The following NUP35 variants were observed in gnomAD, a reference collection of about 807,000 sequenced individuals.
NUP35 encodes nucleoporin NUP35.
A neutral mutation model predicts 41.5 loss-of-function variants in NUP35; 25 were observed. That is an observed-to-expected ratio of 0.60 (90% CI 0.44 to 0.84). NUP35 has a LOEUF of 0.84. Among genes scored for constraint, NUP35 ranks in the 40% least tolerant of loss-of-function variants. The pLI is 0.00. For missense variants in NUP35, 396 were observed against 396.6 expected (o/e 1.00, Z 0.01); for synonymous variants, 149 against 130.7 (o/e 1.14, Z -0.96).
intron 3 of NUP35, 134 bp downstream of exon 3, chr2:183,130,679 A>G: frequency 1.0e-6 from 1 of 967,146 alleles, no homozygotes; most frequent in Admixed American, 2.3e-5. Context: ...ATAAACATTA[A>G]ACACATCATA....
At chr2:183,150,151 C>T (rs536822893) in intron 4 of NUP35, among the ~76,000 whole-genome samples, 21 of 152,292 alleles carry the variant, frequency 1.4e-4, no homozygotes, top group African/African-American at 2.2e-4. Flanking sequence ...ATGATCCGCT[C>T]GCCTTGGCCT....
chr2:183,149,885 C>T (rs1237593465), intron 4 of NUP35, among the ~76,000 whole-genome samples: 1 of 152,090 alleles, frequency 6.6e-6, no homozygotes, highest in Non-Finnish European at 1.5e-5. Flanking sequence ...GTAATAATCA[C>T]TTAATAAAAT....
Position 183,138,953 on chromosome 2 carries a change from A to G in NUP35, c.397+5330A>G, listed in dbSNP as rs1021570402. On this transcript the variant is annotated intron_variant, in intron 4 of 8. Coordinates refer to ENST00000295119, the MANE Select transcript of NUP35 (RefSeq NM_138285.5). ...TTCTGGTTTGGGTTAGGTACTCCTT[A>G]CATGTGTTCCTTTTAAAGCTCTCTG... Among the ~76,000 whole-genome samples the G allele has an allele frequency of 6.6e-5, 10 of 151,604 alleles. No homozygotes were observed. The East Asian group carries it at 1.9e-3, about 29-fold the overall frequency.
intron 5 of NUP35, among the ~76,000 whole-genome samples, chr2:183,152,110 A>ACACACACACACAC (rs1685486990): frequency 8.8e-6 from 1 of 113,394 alleles, no homozygotes; most frequent in South Asian, 3.1e-4. Flanking sequence ...AACATTTACA[A>ACACACACACACAC]ACACACACAC....
chr2:183,149,697 AACATGTTAACTAGATT>A (rs1168875480), intron 4 of NUP35, among the ~76,000 whole-genome samples: 2 of 152,168 alleles, frequency 1.3e-5, no homozygotes, highest in Non-Finnish European at 2.9e-5. Context: ...ACAGGAAATA[AACATGTTAACTAGATT>A]ACTGCCTCAG....
intron 1 of NUP35, 135 bp downstream of exon 1, chr2:183,124,632 C>T (rs1700123425): frequency 2.6e-6 from 3 of 1,160,424 alleles, no homozygotes; most frequent in Admixed American, 1.9e-5. Flanking sequence ...TGGGTGCCCC[C>T]AAGTTCATAG....
intron 1 of NUP35, among the ~76,000 whole-genome samples, chr2:183,125,284 T>A (rs1684420433): frequency 6.6e-6 from 1 of 151,922 alleles, no homozygotes; most frequent in Non-Finnish European, 1.5e-5. Context: ...TTTCTTTTTT[T>A]CCTGCTGAGT....
At chr2:183,150,498 T>C (rs1173551419) in intron 4 of NUP35, among the ~76,000 whole-genome samples, 2 of 152,166 alleles carry the variant, frequency 1.3e-5, no homozygotes, top group Non-Finnish European at 2.9e-5. Flanking sequence ...TCTTCAAATA[T>C]TGTTTTGCTT....
chr2:183,118,383 G>A (rs1700017849), intron 1 of NUP35: 1 of 152,132 alleles, frequency 6.6e-6, no homozygotes, highest in Admixed American at 6.5e-5. Flanking sequence ...TCCACATTTT[G>A]AAGATCTCAT....
upstream of NUP35, among the ~76,000 whole-genome samples, chr2:183,123,601 A>G (rs1427533942): frequency 6.6e-6 from 1 of 152,234 alleles, no homozygotes; most frequent in African/African-American, 2.4e-5. Flanking sequence ...TCCTCATGGT[A>G]TGGAGCAGAG....
In NUP35 at chr2:183,133,633, T is replaced by A; in HGVS notation, c.397+10T>A. The A allele has an allele frequency of 6.5e-7, 1 of 1,529,996 alleles. No homozygotes were observed. 94.8% of individuals were successfully genotyped at this position (1,529,996 alleles called of 1,614,324 possible). On this transcript the variant is annotated intron_variant, in intron 4 of 8. Coordinates refer to ENST00000295119, the MANE Select transcript of NUP35 (RefSeq NM_138285.5). ...TCTACTCCTGGAACAGGTAAGTGATTCTTTCTTTTTTTTTTTTTTTTTAAA... is the reference window on the plus strand; with the variant it reads ...TCTACTCCTGGAACAGGTAAGTGATACTTTCTTTTTTTTTTTTTTTTTAAA...
intron 5 of NUP35, among the ~76,000 whole-genome samples, chr2:183,152,358 A>C (rs1685501684): frequency 6.6e-6 from 1 of 152,014 alleles, no homozygotes; most frequent in South Asian, 2.1e-4. Flanking sequence ...TCTTTACATG[A>C]TTCGTGAGAC....
At chr2:183,160,312 C>A (rs1408608981) in intron 8 of NUP35, 1 of 152,168 alleles carries the variant, frequency 6.6e-6, no homozygotes, top group East Asian at 1.9e-4. Context: ...GGAGATTATT[C>A]TAGAACTGTT....
At chr2:183,150,547 G>T (rs775743902) in intron 4 of NUP35, among the ~76,000 whole-genome samples, 15 of 152,204 alleles carry the variant, frequency 9.9e-5, no homozygotes, top group Middle Eastern at 3.4e-3. Context: ...GCACCTCAGT[G>T]AAATCCTTTT....
At chr2:183,149,174 A>G (rs1057344703) in intron 4 of NUP35, among the ~76,000 whole-genome samples, 1 of 152,220 alleles carries the variant, frequency 6.6e-6, no homozygotes, top group Non-Finnish European at 1.5e-5. Flanking sequence ...ACTCATGCGC[A>G]TTGACCTGTA....
chr2:183,121,055 A>G (rs1700060233), upstream of NUP35, among the ~76,000 whole-genome samples: 1 of 152,238 alleles, frequency 6.6e-6, no homozygotes, highest in African/African-American at 2.4e-5. Flanking sequence ...AATGGGATCA[A>G]TTATTGAAAA....
intron 4 of NUP35, among the ~76,000 whole-genome samples, chr2:183,138,269 A>ATATATATATATATTTT: frequency 1.7e-4 from 14 of 80,694 alleles, no homozygotes; most frequent in African/African-American, 8.7e-4. Context: ...ATATATATAT[A>ATATATATATATATTTT]TTTTTTTTTT....
At chr2:183,128,095 A>G (rs911764722) in intron 1 of NUP35, among the ~76,000 whole-genome samples, 192 bp from the exon 2 acceptor site, 1 of 152,112 alleles carries the variant, frequency 6.6e-6, no homozygotes, top group Non-Finnish European at 1.5e-5. Context: ...AAGTGAATAC[A>G]AGATAACTTT....
chr2:183,135,545 T>C (rs892010646), intron 4 of NUP35, among the ~76,000 whole-genome samples: 1 of 152,156 alleles, frequency 6.6e-6, no homozygotes, highest in African/African-American at 2.4e-5. Context: ...TGGGTTCAAC[T>C]AGTTTGGGAG....
Sources: allele counts gnomAD v4.1 joint callset (sites outside exome capture counted in the v4.1 genomes callset), GRCh38; gene constraint gnomAD v4.1.1; transcripts MANE v1.5; gene names NCBI Gene and HGNC (gene_info 2026-07-23, HGNC 2026-07-21).